The following ASPA variants were observed in gnomAD, a reference collection of about 807,000 sequenced individuals.
ASPA encodes the protein ACY-2.
ASPA carries 25 observed loss-of-function variants against 29.6 expected under a neutral mutation model. The observed-to-expected ratio is 0.85, with a 90% CI of 0.62 to 1.18. The LOEUF is 1.18. ASPA is among the 50% of genes most tolerant of loss of function. The pLI, the probability that ASPA is intolerant of heterozygous loss-of-function variation, is 0.00. For missense variants in ASPA, 333 were observed against 385.7 expected, an observed-to-expected ratio of 0.86 and a Z score of 1.14; for synonymous variants, 131 against 130.3, an observed-to-expected ratio of 1.01 and a Z score of -0.04.
At position 3,490,418 on chromosome 17, in the gene ASPA, A is replaced by G. The variant is rs1364266897; in HGVS notation, c.634+1076A>G. 1.3e-5 allele frequency among the ~76,000 whole-genome samples: 2 copies of G among 152,222 alleles called. No homozygotes were observed. The highest frequency in any genetic ancestry group is 6.5e-5 in the Admixed American group (1 of 15,284). ...TTGCTTAAAATCAAAGAGACATTCT[A>G]TGTAAACAATTATTCCAACAGACTG... On this transcript the variant is annotated intron_variant, in intron 4 of 5. Coordinates refer to ENST00000263080, the MANE Select transcript of ASPA (RefSeq NM_000049.4). The surrounding 1 kb of genome is among the most constrained non-coding windows in gnomAD (Gnocchi z 4.6).
intron 4 of ASPA, among the ~76,000 whole-genome samples, chr17:3,493,768 G>C (rs1204531273): frequency 6.6e-6 from 1 of 151,928 alleles, no homozygotes; most frequent in Non-Finnish European, 1.5e-5. Flanking sequence ...GCATAGCCAG[G>C]GGATTAGAGC....
intron 4 of ASPA, among the ~76,000 whole-genome samples, chr17:3,492,052 G>T (rs2073835477): frequency 6.6e-6 from 1 of 151,840 alleles, no homozygotes; most frequent in Non-Finnish European, 1.5e-5. Flanking sequence ...AATTTCTGTG[G>T]TTTTTGTAGA....
rs2073982789 is a variant in ASPA, at chr17:3,500,952, A to G, written c.*1864A>G. 2 of 13,808 alleles carry G rather than the reference A, an allele frequency of 1.4e-4. No homozygotes were observed. The highest frequency in any genetic ancestry group is 7.4e-3 in the South Asian group (1 of 136). 0.9% of individuals were successfully genotyped at this position (13,808 alleles called of 1,614,324 possible). A position where few individuals can be genotyped will look rare whatever the true frequency, so the allele number is the denominator to read the frequency against. On this transcript the variant is annotated 3_prime_UTR_variant, in exon 6 of 6. Transcript: ENST00000263080. ...CACTGTTGAGACCTACTGCTTGGGA[A>G]AAAAAAAAATTCCTTTCAAAATACT...
rs1394491783 is a variant in ASPA at position 3,485,013 on chromosome 17, T to C, written c.526+1421T>C. On this transcript the variant is annotated intron_variant, in intron 3 of 5. Transcript: ENST00000263080. This position sits in a 1 kb window ranked among gnomAD's most constrained non-coding sequence, Gnocchi z 4.4. Reference sequence around the variant, plus strand: ...ACTTATAAATGATCATCATTCACAGTAGGGTTTTGTTTTGTTTTTTTTCTG... The same window carrying C: ...ACTTATAAATGATCATCATTCACAGCAGGGTTTTGTTTTGTTTTTTTTCTG... Among the ~76,000 whole-genome samples the C allele has an allele frequency of 2.0e-5, 3 of 152,032 alleles. No individual in the cohort carries two copies.
At chr17:3,483,431 C>T in intron 2 of ASPA, 68 bp from the exon 3 acceptor site, 1 of 1,353,062 alleles carries the variant, frequency 7.4e-7, no homozygotes, top group East Asian at 2.3e-5. Flanking sequence ...GTATTATTGA[C>T]TCTGTTGAAG....
At chr17:3,475,645 C>G (rs1281499535), upstream of ASPA, 1 of 165,122 alleles carries the variant, frequency 6.1e-6, no homozygotes, top group African/African-American at 2.4e-5. Context: ...ATTCAAATGC[C>G]CTCAGATCAT....
Position 3,476,365 on chromosome 17 carries a change from T to C in ASPA, c.206T>C (p.Leu69Pro). The C allele has an allele frequency of 6.2e-7, 1 of 1,614,152 alleles. No individual in the cohort carries two copies. Among genetic ancestry groups the C allele is most frequent in the Middle Eastern group, 1.6e-4 (1 of 6,062 alleles). ...KKCTRYIDCD[L>P]NRIFDLENLG... ...TGTACCAGATATATTGACTGTGACC[T>C]GAATCGCATTTTTGACCTTGAAAAT... The change falls in exon 1 of 6, where the codon CTG becomes CCG. Residue 69 changes from leucine to proline, a missense_variant. By Grantham distance (98) the Leu-to-Pro change is moderately conservative. Coordinates refer to ENST00000263080, the MANE Select transcript of ASPA (RefSeq NM_000049.4).
At chr17:3,495,000 C>A (rs931287364) in intron 5 of ASPA, among the ~76,000 whole-genome samples, 8 of 152,104 alleles carry the variant, frequency 5.3e-5, no homozygotes, top group Admixed American at 5.2e-4. Flanking sequence ...ACGACTGGAA[C>A]CTCTTTCTTC....
chr17:3,491,960 C>T, intron 4 of ASPA, among the ~76,000 whole-genome samples: 1 of 146,690 alleles, frequency 6.8e-6, no homozygotes. Flanking sequence ...TCAATGGAGC[C>T]TCAAGTTCCT....
At chr17:3,476,504 T>C in intron 1 of ASPA, 109 bp downstream of exon 1, 1 of 1,002,070 alleles carries the variant, frequency 1.0e-6, no homozygotes, top group Non-Finnish European at 1.6e-6. Flanking sequence ...TGTCCGTACA[T>C]GCAGTCGTAT....
At chr17:3,477,270 C>A (rs1285734066) in intron 1 of ASPA, among the ~76,000 whole-genome samples, 1 of 152,192 alleles carries the variant, frequency 6.6e-6, no homozygotes, top group African/African-American at 2.4e-5. Context: ...GAGATGAGAA[C>A]TAAAGACACC....
At chr17:3,493,672 G>C (rs754299442) in intron 4 of ASPA, among the ~76,000 whole-genome samples, 1 of 151,874 alleles carries the variant, frequency 6.6e-6, no homozygotes, top group Non-Finnish European at 1.5e-5. Context: ...TAGCTGGAAG[G>C]GTCCTCCAAG....
Position 3,499,277 on chromosome 17 carries a change from G to T in ASPA, c.*189G>T, listed in dbSNP as rs2150764601. ...TTTAAAGATATCATATTTTATGTAT[G>T]TAGCTTATTCAAAGAAGTGTTTCCT... On this transcript the variant is annotated 3_prime_UTR_variant, in exon 6 of 6. Transcript: ENST00000263080. The T allele has an allele frequency of 1.9e-6, 1 of 512,968 alleles. No individual in the cohort carries two copies. Among genetic ancestry groups the T allele is most frequent in the East Asian group, 3.2e-5 (1 of 31,722 alleles). 31.8% of individuals were successfully genotyped at this position (512,968 alleles called of 1,614,324 possible). A position where few individuals can be genotyped will look rare whatever the true frequency, so the allele number is the denominator to read the frequency against.
At position 3,499,516 on chromosome 17, in the gene ASPA, A is replaced by T. The variant is rs1021677412; in HGVS notation, c.*428A>T. The T allele has an allele frequency of 2.6e-5, 4 of 154,674 alleles. No individual in the cohort carries two copies. Among genetic ancestry groups the T allele is most frequent in the Admixed American group, 1.3e-4 (2 of 15,514 alleles). 9.6% of individuals were successfully genotyped at this position (154,674 alleles called of 1,614,324 possible). A position where few individuals can be genotyped will look rare whatever the true frequency, so the allele number is the denominator to read the frequency against. On this transcript the variant is annotated 3_prime_UTR_variant, in exon 6 of 6. Transcript: ENST00000263080. Reference sequence around the variant, plus strand: ...TGTGTCTAGAAAGTCTAACAGTGCCATGTTTCCAACAGCATGTGCTCACTC... The same window carrying T: ...TGTGTCTAGAAAGTCTAACAGTGCCTTGTTTCCAACAGCATGTGCTCACTC...
At chr17:3,495,567 TG>T (rs1567618104) in intron 5 of ASPA, among the ~76,000 whole-genome samples, 2 of 151,956 alleles carry the variant, frequency 1.3e-5, no homozygotes, top group African/African-American at 4.8e-5. Context: ...TTTTTGTTTT[TG>T]TTTTTGTTTT....
intron 5 of ASPA, among the ~76,000 whole-genome samples, chr17:3,496,794 C>CAT (rs2073914351): frequency 6.6e-6 from 1 of 152,006 alleles, no homozygotes; most frequent in East Asian, 1.9e-4. Flanking sequence ...TGGCCAGGAG[C>CAT]GGTGGCTCAC....
intron 1 of ASPA, among the ~76,000 whole-genome samples, chr17:3,478,351 T>C (rs892307181): frequency 6.6e-6 from 1 of 152,208 alleles, no homozygotes; most frequent in Admixed American, 6.5e-5. Flanking sequence ...TGCCTCACTT[T>C]ATGGAATAGA....
intron 1 of ASPA, among the ~76,000 whole-genome samples, chr17:3,478,035 A>C (rs993369943): frequency 4.6e-5 from 7 of 151,912 alleles, no homozygotes; most frequent in Admixed American, 1.3e-4. Context: ...AATACAAAAA[A>C]TTAGCCGGGC....
intron 3 of ASPA, among the ~76,000 whole-genome samples, chr17:3,484,524 G>C (rs1048197021): frequency 1.3e-5 from 2 of 152,134 alleles, no homozygotes; most frequent in Non-Finnish European, 2.9e-5. Flanking sequence ...ATGTGTTTGG[G>C]GGAGGAAAGG....
Sources: gnomAD v4.1 joint callset for allele counts (sites outside exome capture counted in the v4.1 genomes callset) on GRCh38, gnomAD v4.1.1 for gene constraint, Gnocchi (gnomAD v3.1) non-coding constraint, MANE v1.5 for transcripts, NCBI Gene and HGNC (gene_info 2026-07-23, HGNC 2026-07-21) for gene names.